CEP295: variants seen among roughly 807,000 people sequenced by gnomAD.
The protein encoded by CEP295 is centrosomal protein of 295 kDa.
CEP295 carries 190 observed loss-of-function variants against 291.6 expected under a neutral mutation model. That is an observed-to-expected ratio of 0.65 (90% CI 0.58 to 0.73). The LOEUF (loss-of-function observed/expected upper bound fraction) is 0.73, where lower values mean the gene tolerates loss of function less well. Ranked by LOEUF, CEP295 falls within the 30% of genes least tolerant of loss-of-function variation. The pLI, the probability that CEP295 is intolerant of heterozygous loss-of-function variation, is 0.00. For synonymous variants in CEP295, 993 were observed against 1,038.8 expected (o/e 0.96, Z 0.85); for missense variants, 2,863 against 2,949.4 (o/e 0.97, Z 0.68).
intron 14 of CEP295, 36 bp from the exon 15 acceptor site, chr11:93,696,646 T>TA (rs1951859308): frequency 2.0e-6 from 3 of 1,482,588 alleles, no homozygotes; most frequent in Non-Finnish European, 2.7e-6. Context: ...TATTTTTCAT[T>TA]AAAAAACAAT....
chr11:93,716,591 C>T (rs909293107), intron 18 of CEP295, among the ~76,000 whole-genome samples: 2 of 152,170 alleles, frequency 1.3e-5, no homozygotes, highest in African/African-American at 2.4e-5. Flanking sequence ...GCAGACTCAA[C>T]GTCTAAAGAC....
chr11:93,704,398 G>A lies in CEP295; in HGVS notation c.5596+1479G>A, dbSNP rs78365734. Among the ~76,000 whole-genome samples, 182 of 152,276 alleles carry A rather than the reference G, an allele frequency of 1.2e-3. 1 individual carries two copies. Among genetic ancestry groups the A allele is most frequent in the African/African-American group, 4.3e-3 (177 of 41,556 alleles). Reference sequence around the variant, plus strand: ...CCCAGCACTTTGGGAGGCTGAGATGGGAGGATCGAGACCAGCCTGGTGTAA... The same window carrying A: ...CCCAGCACTTTGGGAGGCTGAGATGAGAGGATCGAGACCAGCCTGGTGTAA... On this transcript the variant is annotated intron_variant, in intron 17 of 29. Coordinates refer to ENST00000325212, the MANE Select transcript of CEP295 (RefSeq NM_033395.2).
At chr11:93,670,868 T>C (rs780499910) in intron 5 of CEP295, among the ~76,000 whole-genome samples, 5 of 148,648 alleles carry the variant, frequency 3.4e-5, no homozygotes, top group Admixed American at 6.8e-5. Flanking sequence ...AATTAATCAG[T>C]GGGCATGAAC....
At chr11:93,670,166 A>G (rs1950367613) in intron 5 of CEP295, among the ~76,000 whole-genome samples, 1 of 152,094 alleles carries the variant, frequency 6.6e-6, no homozygotes, top group Non-Finnish European at 1.5e-5. Context: ...ATTGGGGGAA[A>G]AAACTAAACT....
intron 6 of CEP295, among the ~76,000 whole-genome samples, chr11:93,677,924 T>C (rs1426932339): frequency 6.6e-6 from 1 of 152,210 alleles, no homozygotes; most frequent in African/African-American, 2.4e-5. Flanking sequence ...TTAATTGCAT[T>C]GACACAAATC....
chr11:93,726,773 A>G, intron 23 of CEP295: 1 of 436,498 alleles, frequency 2.3e-6, no homozygotes, highest in Non-Finnish European at 4.0e-6. Flanking sequence ...ATTAATAGAA[A>G]AAGAAAAAAT....
intron 5 of CEP295, among the ~76,000 whole-genome samples, chr11:93,671,900 C>G (rs751898376): frequency 3.9e-5 from 6 of 152,172 alleles, no homozygotes; most frequent in South Asian, 4.1e-4. Context: ...TTAGTCTTCT[C>G]AAACCAAGGT....
rs1951231793 is a variant in CEP295 at position 93,686,259 on chromosome 11, C to T, written c.1115-1385C>T. Among the ~76,000 whole-genome samples, 4 of 151,508 alleles carry T rather than the reference C, an allele frequency of 2.6e-5. No homozygotes were observed. In the South Asian group the frequency reaches 8.3e-4, roughly 32 times the overall value. On this transcript the variant is annotated intron_variant, in intron 9 of 29. Coordinates refer to ENST00000325212, the MANE Select transcript of CEP295 (RefSeq NM_033395.2). ...GCTTGAACCTGGGAGACAAAGGCTG[C>T]AGTGAGCCGAAACCACACCACTGCA...
chr11:93,687,893 T>C (rs1951323700), intron 10 of CEP295, 28 bp downstream of exon 10: 1 of 1,488,780 alleles, frequency 6.7e-7, no homozygotes, highest in Non-Finnish European at 9.1e-7. Flanking sequence ...TCTCATTTTC[T>C]ATAAACCCTT....
chr11:93,706,655 T>C, intron 17 of CEP295, 90 bp from the exon 18 acceptor site: 1 of 1,131,440 alleles, frequency 8.8e-7, no homozygotes, highest in Non-Finnish European at 1.2e-6. Context: ...CTTTAAGAGC[T>C]TAGATTTCTA....
intron 24 of CEP295, 169 bp downstream of exon 24, chr11:93,727,806 A>C: frequency 1.8e-6 from 1 of 544,316 alleles, no homozygotes; most frequent in Non-Finnish European, 3.2e-6. Flanking sequence ...TGGACACACC[A>C]CAATGCCTGG....
intron 7 of CEP295, among the ~76,000 whole-genome samples, chr11:93,680,498 C>T (rs980709432): frequency 6.6e-5 from 10 of 152,086 alleles, no homozygotes; most frequent in Admixed American, 5.2e-4. Context: ...TCAATACAGT[C>T]AGTCCCAGTT....
At position 93,700,075 on chromosome 11, in the gene CEP295, G is replaced by T; in HGVS notation, c.5163G>T (p.Leu1721=). ...QKQLDLQREV[L]HYSQKAQEKL... ...AGTTGGATCTACAAAGAGAAGTTCTGCATTATAGCCAGAAAGCCCAGGAAA... is the reference window on the plus strand; with the variant it reads ...AGTTGGATCTACAAAGAGAAGTTCTTCATTATAGCCAGAAAGCCCAGGAAA... The change falls in exon 15 of 30, where the codon CTG becomes CTT. Residue 1721 remains leucine (L), a synonymous_variant. Transcript: ENST00000325212. 1.3e-6 allele frequency: 2 copies of T among 1,551,794 alleles called. No homozygotes were observed. Among genetic ancestry groups the T allele is most frequent in the Non-Finnish European group, 1.7e-6 (2 of 1,147,012 alleles).
chr11:93,669,773 G>T lies in CEP295; in HGVS notation c.528+3G>T. ...CTCCTCCTCCAACTCTTTTTGAGGT[G>T]AGTTTGAGTATTAAGAGGAACTAGG... On this transcript the variant is annotated splice_donor_region_variant and intron_variant, in intron 5 of 29. Coordinates refer to ENST00000325212, the MANE Select transcript of CEP295 (RefSeq NM_033395.2). 1 of 1,541,048 alleles carries T rather than the reference G, an allele frequency of 6.5e-7. No individual in the cohort carries two copies. The highest frequency in any genetic ancestry group is 1.2e-5 in the South Asian group (1 of 83,696).
At chr11:93,713,137 TTA>T (rs199849889) in intron 18 of CEP295, among the ~76,000 whole-genome samples, 3,324 of 152,290 alleles carry the variant, frequency 0.022, 59 homozygotes, top group Non-Finnish European at 0.036. Flanking sequence ...TTGTTTCTAT[TTA>T]TGTCTTATTG....
At chr11:93,707,382 G>T (rs1377202074) in intron 18 of CEP295, among the ~76,000 whole-genome samples, 1 of 151,926 alleles carries the variant, frequency 6.6e-6, no homozygotes, top group East Asian at 1.9e-4. Context: ...TATATATATA[G>T]CACAGGATAT....
At chr11:93,711,734 C>T (rs996793369) in intron 18 of CEP295, among the ~76,000 whole-genome samples, 8 of 152,028 alleles carry the variant, frequency 5.3e-5, no homozygotes, top group African/African-American at 9.7e-5. Flanking sequence ...AACTCCTGAC[C>T]GCCCAGGAAC....
intron 18 of CEP295, among the ~76,000 whole-genome samples, chr11:93,709,949 T>A (rs1051750075): frequency 1.3e-5 from 2 of 152,210 alleles, no homozygotes; most frequent in African/African-American, 4.8e-5. Context: ...TGATTTGCTT[T>A]TGGCATATAG....
Position 93,697,301 on chromosome 11 carries a change from T to C in CEP295, c.2389T>C (p.Ser797Pro), listed in dbSNP as rs1382664633. 6.4e-7 allele frequency: 1 copy of C among 1,551,782 alleles called. No homozygotes were observed. The highest frequency in any genetic ancestry group is 2.0e-5 in the Admixed American group (1 of 51,016). The change falls in exon 15 of 30, where the codon TCT becomes CCT. Residue 797 changes from serine to proline, a missense_variant. Ser to Pro is a moderately conservative substitution (Grantham distance 74, BLOSUM62 -1). Transcript: ENST00000325212. Reference protein sequence around the residue: ...VPLVPQHSFSSLPVKVESGKI... With the variant: ...VPLVPQHSFSPLPVKVESGKI... ...ACTGGTACCTCAGCATTCTTTTAGT[T>C]CTCTGCCTGTTAAAGTTGAGTCAGG... is the stretch of plus-strand genomic sequence containing the variant.
Sources: gnomAD v4.1 joint callset for allele counts (sites outside exome capture counted in the v4.1 genomes callset) on GRCh38, gnomAD v4.1.1 for gene constraint, MANE v1.5 for transcripts, NCBI Gene and HGNC (gene_info 2026-07-23, HGNC 2026-07-21) for gene names.